TMTC3: variants seen among roughly 807,000 people sequenced by gnomAD.
TMTC3 encodes protein O-mannosyl-transferase TMTC3.
Under a neutral mutation model 92.2 loss-of-function variants are expected in TMTC3, and 52 were observed. The ratio of observed to expected loss-of-function variants is 0.56; its 90% CI spans 0.45 to 0.71. TMTC3 has a LOEUF of 0.71. Ranked by LOEUF, TMTC3 falls within the 30% of genes least tolerant of loss-of-function variation. The probability of loss-of-function intolerance (pLI) is 0.00; values close to 1 mark genes in which losing one functional copy is unlikely to be tolerated. For missense variants in TMTC3, 896 were observed against 1,057.1 expected, an observed-to-expected ratio of 0.85 and a Z score of 2.11; for synonymous variants, 339 against 363.3, an observed-to-expected ratio of 0.93 and a Z score of 0.76.
Position 88,188,954 on chromosome 12 carries a change from G to C in TMTC3, c.1536+8G>C. 1 of 1,508,632 alleles carries C rather than the reference G, an allele frequency of 6.6e-7. No homozygotes were observed. The highest frequency in any genetic ancestry group is 9.1e-7 in the Non-Finnish European group (1 of 1,094,876). 93.5% of individuals were successfully genotyped at this position (1,508,632 alleles called of 1,614,324 possible). A position where few individuals can be genotyped will look rare whatever the true frequency, so the allele number is the denominator to read the frequency against. On this transcript the variant is annotated splice_region_variant and intron_variant, in intron 11 of 13. Transcript: ENST00000266712. ...AAATCACTGATGCCTCAAGTAAGTTGCCATAATTTATCTATTGTGTCATAT... is the reference window on the plus strand; with the variant it reads ...AAATCACTGATGCCTCAAGTAAGTTCCCATAATTTATCTATTGTGTCATAT...
intron 4 of TMTC3, among the ~76,000 whole-genome samples, chr12:88,158,806 C>T (rs558597247): frequency 5.3e-5 from 8 of 152,044 alleles, no homozygotes; most frequent in South Asian, 2.1e-4. Flanking sequence ...AATCCCAGCA[C>T]TTTGGGAGGC....
At chr12:88,186,721 C>T (rs1344536618) in intron 10 of TMTC3, among the ~76,000 whole-genome samples, 6 of 152,118 alleles carry the variant, frequency 3.9e-5, no homozygotes, top group East Asian at 1.9e-4. Context: ...ATTTTACCCT[C>T]TAGAATCTTA....
At chr12:88,184,415 C>G (rs545253150) in intron 10 of TMTC3, among the ~76,000 whole-genome samples, 1 of 152,226 alleles carries the variant, frequency 6.6e-6, no homozygotes, top group Non-Finnish European at 1.5e-5. Flanking sequence ...GAGAATCTGG[C>G]GGCCTTCAGC....
Position 88,174,561 on chromosome 12 carries a change from G to A in TMTC3, c.1200-46G>A, listed in dbSNP as rs377215551. 1.9e-6 allele frequency: 3 copies of A among 1,580,412 alleles called. No individual in the cohort carries two copies. In the East Asian group the frequency reaches 6.8e-5, roughly 36 times the overall value. On this transcript the variant is annotated intron_variant, in intron 8 of 13. Transcript: ENST00000266712. ...TGTTCTAAAAGGTAAAATGCTTTTG[G>A]TGATGAAGACAATTTTTTTTGTTTT...
chr12:88,160,371 T>C, intron 5 of TMTC3, 142 bp downstream of exon 5: 3 of 578,920 alleles, frequency 5.2e-6, no homozygotes, highest in Non-Finnish European at 8.5e-6. Context: ...AATCATGTTT[T>C]ATCCTCATAC....
chr12:88,190,352 C>A, intron 11 of TMTC3, 101 bp from the exon 12 acceptor site: 2 of 1,021,118 alleles, frequency 2.0e-6, no homozygotes, highest in South Asian at 1.7e-5. Flanking sequence ...GTATTTTTTA[C>A]AGTATGTTCT....
rs138626268 is a variant in TMTC3, at chr12:88,153,425, C to T, written c.324C>T (p.Leu108=). Reference sequence around the variant, plus strand: ...ATGCTGTGGTTAGTGTGATATTTCTCAAAGTATGCAAACTTTTTCTGGACA... The same window carrying T: ...ATGCTGTGGTTAGTGTGATATTTCTTAAAGTATGCAAACTTTTTCTGGACA... The part of the protein sequence containing the change: ...IFHAVVSVIF[L]KVCKLFLDNK... The change falls in exon 3 of 14, where the codon CTC becomes CTT. Residue 108 remains leucine, a synonymous_variant. Transcript: ENST00000266712. 1.8e-5 allele frequency: 29 copies of T among 1,613,590 alleles called. 1 individual carries two copies. In the Middle Eastern group the frequency reaches 5.0e-4, roughly 28 times the overall value.
At chr12:88,178,635 A>G (rs1223319700) in intron 10 of TMTC3, among the ~76,000 whole-genome samples, 2 of 152,156 alleles carry the variant, frequency 1.3e-5, no homozygotes, top group East Asian at 3.8e-4. Context: ...GTACCCCTGC[A>G]TCATCAAGTA....
rs2041561109 is a variant in TMTC3, at chr12:88,199,775, C to T, written c.*4126C>T. 6.6e-6 allele frequency: 1 copy of T among 152,240 alleles called. No individual in the cohort carries two copies. Among genetic ancestry groups the T allele is most frequent in the Non-Finnish European group, 1.5e-5 (1 of 68,042 alleles). 9.4% of individuals were successfully genotyped at this position (152,240 alleles called of 1,614,324 possible). On this transcript the variant is annotated 3_prime_UTR_variant, in exon 14 of 14. Coordinates refer to ENST00000266712, the MANE Select transcript of TMTC3 (RefSeq NM_181783.4). ...ATTCATGTTCTTTCTTTGTAACTCA[C>T]TTTCTTCGTCAACATTTCTGTGACT...
At chr12:88,183,374 T>C (rs1030353428) in intron 10 of TMTC3, among the ~76,000 whole-genome samples, 4 of 152,186 alleles carry the variant, frequency 2.6e-5, no homozygotes, top group Non-Finnish European at 5.9e-5. Context: ...ATATACCCCA[T>C]TGCCTTGTTG....
At chr12:88,145,376 T>C (rs1054592317) in intron 1 of TMTC3, among the ~76,000 whole-genome samples, 1 of 152,192 alleles carries the variant, frequency 6.6e-6, no homozygotes, top group Admixed American at 6.5e-5. Flanking sequence ...GGCAAAACAA[T>C]TTGCCTTAAT....
In TMTC3 at chr12:88,195,301, A is replaced by C. The variant is rs768205008; in HGVS notation, c.2397A>C (p.Ala799=). The change falls in exon 14 of 14, where the codon GCA becomes GCC. Residue 799 remains alanine, a synonymous_variant. Transcript: ENST00000266712. ...KAERCLLETL[A]LAPHEEYIQR... ...AAAGATGCCTTCTTGAAACACTGGCATTAGCACCACATGAAGAATATATTC... is the reference window on the plus strand; with the variant it reads ...AAAGATGCCTTCTTGAAACACTGGCCTTAGCACCACATGAAGAATATATTC... 1 of 1,613,950 alleles carries C rather than the reference A, an allele frequency of 6.2e-7. No individual in the cohort carries two copies. The highest frequency in any genetic ancestry group is 1.3e-5 in the African/African-American group (1 of 75,042).
intron 9 of TMTC3, among the ~76,000 whole-genome samples, chr12:88,175,023 GT>G (rs1405040802): frequency 6.6e-6 from 1 of 152,012 alleles, no homozygotes; most frequent in Non-Finnish European, 1.5e-5. Flanking sequence ...GGTTCTAAAG[GT>G]GCTTATATTT....
At chr12:88,177,589 G>T in intron 10 of TMTC3, among the ~76,000 whole-genome samples, 1 of 152,142 alleles carries the variant, frequency 6.6e-6, no homozygotes, top group East Asian at 1.9e-4. Context: ...GTAGGATGTA[G>T]CTAGAGCAGC....
rs1392302298 is a variant in TMTC3 at position 88,195,633 on chromosome 12, T to A, written c.2729T>A (p.Ile910Asn). 6.3e-7 allele frequency: 1 copy of A among 1,588,926 alleles called. No individual in the cohort carries two copies. The highest frequency in any genetic ancestry group is 1.4e-5 in the African/African-American group (1 of 73,020). ...ALKRLEEIERILNGE is the reference protein window; with the variant it reads ...ALKRLEEIERNLNGE ...AAAAGACTAGAAGAGATTGAACGTA[T>A]TTTAAATGGTGAATAACATTAATAT... is the stretch of plus-strand genomic sequence containing the variant. Residue 910 changes from isoleucine to asparagine, a missense_variant, in exon 14 of 14, where the codon ATT becomes AAT. Transcript: ENST00000266712.
At position 88,166,557 on chromosome 12, in the gene TMTC3, G is replaced by A. The variant is rs1419918678; in HGVS notation, c.1025G>A (p.Gly342Asp). The stretch of plus-strand genomic sequence containing the variant: ...GGAGTATTCAGTATCAGATACTCTG[G>A]TGATTCCTCCAAGACTGTTTTAATG... ...MLGVFSIRYS[G>D]DSSKTVLMAL... The change falls in exon 7 of 14, where the codon GGT (glycine) becomes GAT (aspartate). Residue 342 changes from glycine (G) to aspartate (D), a missense_variant. Transcript: ENST00000266712. 6.2e-7 allele frequency: 1 copy of A among 1,613,592 alleles called. No homozygotes were observed. Among genetic ancestry groups the A allele is most frequent in the Non-Finnish European group, 8.5e-7 (1 of 1,179,806 alleles).
At chr12:88,168,855 G>A (rs1166667083) in intron 7 of TMTC3, among the ~76,000 whole-genome samples, 6 of 152,178 alleles carry the variant, frequency 3.9e-5, no homozygotes, top group Non-Finnish European at 8.8e-5. Context: ...GAAGAATACA[G>A]TTGATTAGAA....
At chr12:88,182,491 A>T (rs2041329141) in intron 10 of TMTC3, among the ~76,000 whole-genome samples, 1 of 152,174 alleles carries the variant, frequency 6.6e-6, no homozygotes, top group Non-Finnish European at 1.5e-5. Flanking sequence ...ATCATTTAAG[A>T]TATGCAAGTT....
At position 88,146,013 on chromosome 12, in the gene TMTC3, T is replaced by A. The variant is rs377268231; in HGVS notation, c.-28-2275T>A. Among the ~76,000 whole-genome samples the A allele has an allele frequency of 9.8e-5, 15 of 152,324 alleles. No individual in the cohort carries two copies. In the East Asian group the frequency reaches 1.4e-3, roughly 14 times the overall value. On this transcript the variant is annotated intron_variant, in intron 1 of 13. Transcript: ENST00000266712. Reference sequence around the variant, plus strand: ...TCCACTTAAACTGCATCTGTAAGTCTGCTTCTGTGCCTAGGAAAAATTAGA... The same window carrying A: ...TCCACTTAAACTGCATCTGTAAGTCAGCTTCTGTGCCTAGGAAAAATTAGA...
Sources: allele counts gnomAD v4.1 joint callset (sites outside exome capture counted in the v4.1 genomes callset), GRCh38; gene constraint gnomAD v4.1.1; transcripts MANE v1.5; gene names NCBI Gene and HGNC (gene_info 2026-07-23, HGNC 2026-07-21).